LRRIQ3: variants seen among roughly 807,000 people sequenced by gnomAD.
LRRIQ3 encodes leucine rich repeats and IQ motif containing 3.
In LRRIQ3, 75 loss-of-function variants were observed where a neutral mutation model predicts 59.3. The observed-to-expected ratio is 1.26, with a 90% CI of 1.05 to 1.53. LRRIQ3 has a LOEUF of 1.53. Among genes scored for constraint, LRRIQ3 ranks in the 40% most tolerant of loss-of-function variants. The pLI, the probability that LRRIQ3 is intolerant of heterozygous loss-of-function variation, is 0.00. For synonymous variants in LRRIQ3, 250 were observed against 231.3 expected, an observed-to-expected ratio of 1.08 and a Z score of -0.73; for missense variants, 831 against 710.0, an observed-to-expected ratio of 1.17 and a Z score of -1.94.
chr1:74,105,359 C>T (rs1553166680), intron 5 of LRRIQ3, among the ~76,000 whole-genome samples: 1 of 151,462 alleles, frequency 6.6e-6, no homozygotes, highest in Non-Finnish European at 1.5e-5. Flanking sequence ...TCAAGTGATT[C>T]TCATTCCTCA....
intron 6 of LRRIQ3, among the ~76,000 whole-genome samples, chr1:74,058,254 A>T (rs1654597183): frequency 6.6e-6 from 1 of 152,118 alleles, no homozygotes; most frequent in African/African-American, 2.4e-5. Context: ...ATTAGTATTC[A>T]GAGACATCTG....
intron 6 of LRRIQ3, 79 bp downstream of exon 6, chr1:74,074,582 A>T (rs2100479552): frequency 1.6e-6 from 1 of 627,064 alleles, no homozygotes; most frequent in African/African-American, 1.9e-5. Context: ...GCAAATCAAC[A>T]TGCCCAATTT....
chr1:74,162,089 C>T (rs1054317336), intron 3 of LRRIQ3, among the ~76,000 whole-genome samples: 1 of 151,732 alleles, frequency 6.6e-6, no homozygotes, highest in African/African-American at 2.4e-5. Flanking sequence ...ATGGAGATAA[C>T]GATGGTACAA....
chr1:74,096,700 T>A (rs1196199972), intron 5 of LRRIQ3, among the ~76,000 whole-genome samples: 1 of 152,096 alleles, frequency 6.6e-6, no homozygotes, highest in Non-Finnish European at 1.5e-5. Context: ...TGGTCTTTGA[T>A]GATGGTGACA....
chr1:74,074,401 T>C (rs1646177980), intron 6 of LRRIQ3, among the ~76,000 whole-genome samples: 1 of 152,164 alleles, frequency 6.6e-6, no homozygotes, highest in African/African-American at 2.4e-5. Context: ...CCTAGATGCC[T>C]GTCTGTAATT....
chr1:74,055,361 C>A (rs1167865903), intron 6 of LRRIQ3, among the ~76,000 whole-genome samples: 1 of 151,800 alleles, frequency 6.6e-6, no homozygotes. Context: ...CTTGTTCCCC[C>A]CTCTCTTCTG....
At chr1:74,185,023 T>G (rs1346242201) in intron 1 of LRRIQ3, among the ~76,000 whole-genome samples, 1 of 152,178 alleles carries the variant, frequency 6.6e-6, no homozygotes, top group African/African-American at 2.4e-5. Flanking sequence ...ATCGCATGGA[T>G]GCACTATGGT....
At chr1:74,184,562 C>G (rs1047858961) in intron 1 of LRRIQ3, among the ~76,000 whole-genome samples, 8 of 152,096 alleles carry the variant, frequency 5.3e-5, no homozygotes, top group Non-Finnish European at 1.2e-4. Context: ...TCCAGATACA[C>G]TCTTGTACTC....
chr1:74,045,374 C>T (rs1450683067), intron 6 of LRRIQ3, among the ~76,000 whole-genome samples: 1 of 152,142 alleles, frequency 6.6e-6, no homozygotes, highest in Non-Finnish European at 1.5e-5. Context: ...ATGATTATCT[C>T]AATAGTTGCA....
intron 6 of LRRIQ3, among the ~76,000 whole-genome samples, chr1:74,069,341 C>A (rs1654955855): frequency 6.6e-6 from 1 of 151,932 alleles, no homozygotes; most frequent in African/African-American, 2.4e-5. Flanking sequence ...TATGCCACAT[C>A]TTTTCAGTAT....
chr1:74,069,780 G>T (rs1270388324), intron 6 of LRRIQ3, among the ~76,000 whole-genome samples: 2 of 151,978 alleles, frequency 1.3e-5, no homozygotes, highest in Admixed American at 6.6e-5. Flanking sequence ...ACTGAAAATT[G>T]TAATATCATC....
intron 1 of LRRIQ3, among the ~76,000 whole-genome samples, chr1:74,192,430 A>G (rs182217028): frequency 1.3e-5 from 2 of 152,234 alleles, no homozygotes; most frequent in Admixed American, 1.3e-4. Context: ...CTCAAATACC[A>G]AATCTTATCC....
intron 5 of LRRIQ3, among the ~76,000 whole-genome samples, chr1:74,092,221 A>G (rs978221272): frequency 1.3e-5 from 2 of 152,152 alleles, no homozygotes; most frequent in African/African-American, 2.4e-5. Flanking sequence ...AGATAAAAAC[A>G]GTCAGTCACT....
At chr1:74,168,603 G>C (rs1011998419) in intron 3 of LRRIQ3, among the ~76,000 whole-genome samples, 9 of 151,924 alleles carry the variant, frequency 5.9e-5, no homozygotes, top group Non-Finnish European at 1.0e-4. Context: ...ATTATAGACA[G>C]GTTAATGCTT....
intron 5 of LRRIQ3, among the ~76,000 whole-genome samples, chr1:74,091,670 C>T (rs1004883802): frequency 3.9e-5 from 6 of 151,992 alleles, no homozygotes; most frequent in African/African-American, 9.7e-5. Context: ...AACAAACATC[C>T]TATAGCAAGA....
rs1286914885 is a variant in LRRIQ3, at chr1:74,198,033, C to CA, written c.-39dup. 3 of 731,358 alleles carry CA rather than the reference C, an allele frequency of 4.1e-6. No individual in the cohort carries two copies. Among genetic ancestry groups the CA allele is most frequent in the African/African-American group, 1.8e-5 (1 of 56,430 alleles). The allele number at this position is 731,358 out of a possible 1,614,324, so 45.3% of individuals were successfully genotyped here. The stretch of plus-strand genomic sequence containing the variant: ...GCTGCAAGCCCTTATGAGTTGGAGA[C>CA]AAGTGGCCCAGCCCCAACACAGTCA... On this transcript the variant is annotated 5_prime_UTR_variant, in exon 1 of 8. It removes the in-frame stop codon of an upstream open reading frame in the 5' UTR. Coordinates refer to ENST00000354431, the MANE Select transcript of LRRIQ3 (RefSeq NM_001105659.2).
chr1:74,030,592 C>T (rs961405779), intron 7 of LRRIQ3, among the ~76,000 whole-genome samples: 6 of 152,130 alleles, frequency 3.9e-5, no homozygotes, highest in Non-Finnish European at 8.8e-5. Flanking sequence ...CTTCCTTACA[C>T]CTTATACAAA....
chr1:74,193,790 A>G (rs1342241324), intron 1 of LRRIQ3, among the ~76,000 whole-genome samples: 1 of 152,094 alleles, frequency 6.6e-6, no homozygotes, highest in South Asian at 2.1e-4. Context: ...CTATAATATT[A>G]GATGGAAATC....
rs1197254820 is a variant in LRRIQ3, at chr1:74,171,596, C to T, written c.573+10942G>A. 2.6e-5 allele frequency among the ~76,000 whole-genome samples: 4 copies of T among 152,070 alleles called. No homozygotes were observed. The East Asian group carries it at 5.8e-4, about 22-fold the overall frequency. On this transcript the variant is annotated intron_variant, in intron 3 of 7. Coordinates refer to ENST00000354431, the MANE Select transcript of LRRIQ3 (RefSeq NM_001105659.2). Reference sequence around the variant, plus strand: ...TATCCATGTTCATCACAGATATTGACCTGTAGTTTTCTTGTGTTGTTTTTG... The same window carrying T: ...TATCCATGTTCATCACAGATATTGATCTGTAGTTTTCTTGTGTTGTTTTTG...
Sources: allele counts gnomAD v4.1 joint callset (sites outside exome capture counted in the v4.1 genomes callset), GRCh38; gene constraint gnomAD v4.1.1; transcripts MANE v1.5; gene names NCBI Gene and HGNC (gene_info 2026-07-23, HGNC 2026-07-21).